Variants in EFR3B observed in about 807,000 individuals in gnomAD.
The protein encoded by EFR3B is EFR3 homolog B, also known as protein EFR3 homolog B.
In EFR3B, 64 loss-of-function variants were observed where a neutral mutation model predicts 104.7. That is an observed-to-expected ratio of 0.61 (90% CI 0.50 to 0.75). The LOEUF is 0.75. Ranked by LOEUF, EFR3B falls within the 30% of genes least tolerant of loss-of-function variation. The pLI is 0.00. For synonymous variants in EFR3B, 385 were observed against 417.9 expected, an observed-to-expected ratio of 0.92 and a Z score of 0.96; for missense variants, 750 against 1,078.5, an observed-to-expected ratio of 0.70 and a Z score of 4.27.
At chr2:25,111,107 C>T (rs1208130063) in intron 4 of EFR3B, among the ~76,000 whole-genome samples, 1 of 152,164 alleles carries the variant, frequency 6.6e-6, no homozygotes, top group Non-Finnish European at 1.5e-5. Context: ...TAACTACTTT[C>T]GGCTATAATA....
At position 25,131,316 on chromosome 2, in the gene EFR3B, C is replaced by A; in HGVS notation, c.850-52C>A. 6.5e-7 allele frequency: 1 copy of A among 1,538,174 alleles called. No individual in the cohort carries two copies. Among genetic ancestry groups the A allele is most frequent in the Non-Finnish European group, 8.8e-7 (1 of 1,139,010 alleles). On this transcript the variant is annotated intron_variant, in intron 8 of 22. Transcript: ENST00000403714. This position sits in a 1 kb window ranked among gnomAD's most constrained non-coding sequence, Gnocchi z 7.6. ...GGGTGCCAGGAGAGGGCTGCGCAGC[C>A]CAGGGACCCCGTGGGGTTGCTGTCC...
chr2:25,129,647 T>C (rs1250087437), intron 6 of EFR3B, among the ~76,000 whole-genome samples: 1 of 152,152 alleles, frequency 6.6e-6, no homozygotes, highest in Non-Finnish European at 1.5e-5. Context: ...TCTGAAGTCT[T>C]AGGTGCATCA....
chr2:25,051,417 A>G (rs548157399), intron 1 of EFR3B, among the ~76,000 whole-genome samples: 49 of 151,328 alleles, frequency 3.2e-4, no homozygotes, highest in Non-Finnish European at 6.6e-4. Context: ...GCCCAGCCTG[A>G]TTTCTCTTTT....
chr2:25,082,473 A>G (rs1558594387), intron 1 of EFR3B, among the ~76,000 whole-genome samples: 1 of 152,240 alleles, frequency 6.6e-6, no homozygotes, highest in Non-Finnish European at 1.5e-5. Flanking sequence ...CACCAAGTTC[A>G]GGAACAGGAG....
At chr2:25,080,741 C>G in intron 1 of EFR3B, 1 of 1,271,156 alleles carries the variant, frequency 7.9e-7, no homozygotes, top group Non-Finnish European at 1.1e-6. Flanking sequence ...TCCTGTAGAT[C>G]AAAGATTTTC....
chr2:25,083,145 C>G (rs1350237585), intron 1 of EFR3B, among the ~76,000 whole-genome samples: 1 of 152,228 alleles, frequency 6.6e-6, no homozygotes, highest in Non-Finnish European at 1.5e-5. Flanking sequence ...GTTTCCCTCT[C>G]TTCCTTAAAA....
At chr2:25,134,943 C>T (rs1670479117) in intron 12 of EFR3B, among the ~76,000 whole-genome samples, 2 of 152,214 alleles carry the variant, frequency 1.3e-5, no homozygotes, top group South Asian at 4.1e-4. Flanking sequence ...TTATGCCAAA[C>T]TGGCTTTAGT....
intron 17 of EFR3B, 129 bp downstream of exon 17, chr2:25,141,562 GCTCTGCCTGTGGTCCAGGAGTC>G (rs1368258757): frequency 1.1e-6 from 1 of 939,450 alleles, no homozygotes; most frequent in Non-Finnish European, 1.6e-6. Context: ...CAGAAGGTGG[GCTCTGCCTGTGGTCCAGGAGTC>G]CTGGGTAAAG....
chr2:25,103,834 G>A, intron 4 of EFR3B, 47 bp downstream of exon 4: 1 of 1,547,600 alleles, frequency 6.5e-7, no homozygotes, highest in Non-Finnish European at 8.7e-7. Context: ...CGCATCCTGG[G>A]GGGTGGCAGG....
chr2:25,137,314 T>C lies in EFR3B; in HGVS notation c.1561-27T>C. 1 of 1,551,712 alleles carries C rather than the reference T, an allele frequency of 6.4e-7. No homozygotes were observed. Among genetic ancestry groups the C allele is most frequent in the Non-Finnish European group, 8.7e-7 (1 of 1,146,804 alleles). ...CCTCCTGTCCCCATCCCTCCGACCC[T>C]GGCCTTCTGCCCGCTCCTGTCCCCA... On this transcript the variant is annotated intron_variant, in intron 14 of 22. Transcript: ENST00000403714. This position sits in a 1 kb window ranked among gnomAD's most constrained non-coding sequence, Gnocchi z 4.7.
chr2:25,077,061 G>A (rs1047014651), intron 1 of EFR3B, among the ~76,000 whole-genome samples: 5 of 152,106 alleles, frequency 3.3e-5, no homozygotes, highest in African/African-American at 7.2e-5. Flanking sequence ...TACATGTCCC[G>A]GCCCCTGCAG....
chr2:25,132,087 G>A (rs1436916176), intron 10 of EFR3B, among the ~76,000 whole-genome samples, 176 bp downstream of exon 10: 1 of 152,172 alleles, frequency 6.6e-6, no homozygotes, highest in Non-Finnish European at 1.5e-5. Flanking sequence ...CCCGGGGATG[G>A]GGGTTGGAGA....
chr2:25,133,525 C>A (rs1573227880), intron 12 of EFR3B, 91 bp downstream of exon 12: 12 of 1,289,974 alleles, frequency 9.3e-6, no homozygotes, highest in Non-Finnish European at 1.1e-5. Flanking sequence ...TACAGTCGTG[C>A]ATGTGGCATA....
intron 4 of EFR3B, among the ~76,000 whole-genome samples, chr2:25,104,600 C>A (rs1413576190): frequency 6.6e-6 from 1 of 152,170 alleles, no homozygotes; most frequent in Non-Finnish European, 1.5e-5. Context: ...CCACTCAGCA[C>A]GCTATGGGGG....
At chr2:25,150,692 C>T (rs1455721871) in intron 20 of EFR3B, among the ~76,000 whole-genome samples, 2 of 151,690 alleles carry the variant, frequency 1.3e-5, no homozygotes, top group Non-Finnish European at 2.9e-5. Flanking sequence ...CTCACTACAA[C>T]CTCTGCCTCC....
Position 25,137,519 on chromosome 2 carries a change from G to A in EFR3B, c.1722+17G>A, listed in dbSNP as rs567127914. 5.7e-5 allele frequency: 89 copies of A among 1,551,648 alleles called. No individual in the cohort carries two copies. The African/African-American group carries it at 7.7e-4, about 13-fold the overall frequency. On this transcript the variant is annotated intron_variant, in intron 15 of 22. Coordinates refer to ENST00000403714, the MANE Select transcript of EFR3B (RefSeq NM_014971.2). This position sits in a 1 kb window ranked among gnomAD's most constrained non-coding sequence, Gnocchi z 4.7. ...GCTGTTCAGGTGGGGCCTGGTGTGC[G>A]CAGGGCATGGGGCTTGGGATCAGGG...
At chr2:25,074,231 C>G (rs1668572834) in intron 1 of EFR3B, among the ~76,000 whole-genome samples, 1 of 152,174 alleles carries the variant, frequency 6.6e-6, no homozygotes, top group Non-Finnish European at 1.5e-5. Flanking sequence ...CCATCAGACT[C>G]CTGAACCAGA....
At chr2:25,067,420 GTTTTTGTTTTTTTT>G (rs1397249951) in intron 1 of EFR3B, among the ~76,000 whole-genome samples, 3 of 142,854 alleles carry the variant, frequency 2.1e-5, no homozygotes, top group East Asian at 2.1e-4. Flanking sequence ...CTCCTTTTTA[GTTTTTGTTTTTTTT>G]TTTTTGTTTT....
At chr2:25,144,921 G>A in intron 18 of EFR3B, 39 bp from the exon 19 acceptor site, 1 of 1,538,250 alleles carries the variant, frequency 6.5e-7, no homozygotes, top group South Asian at 1.2e-5. Flanking sequence ...GGATCTCTGA[G>A]GGCTGGGAAC....
Sources: gnomAD v4.1 joint callset for allele counts (sites outside exome capture counted in the v4.1 genomes callset) on GRCh38, gnomAD v4.1.1 for gene constraint, Gnocchi (gnomAD v3.1) non-coding constraint, MANE v1.5 for transcripts, NCBI Gene and HGNC (gene_info 2026-07-23, HGNC 2026-07-21) for gene names.